The following PCNX1 variants were observed in gnomAD, a reference collection of about 807,000 sequenced individuals.
The protein encoded by PCNX1 is pecanex-like protein 1.
In PCNX1, 78 loss-of-function variants were observed where a neutral mutation model predicts 242.2. The observed-to-expected ratio is 0.32, with a 90% CI of 0.27 to 0.39. The LOEUF (loss-of-function observed/expected upper bound fraction) is 0.39. PCNX1 is among the 10% of genes least tolerant of loss of function. The pLI, the probability that PCNX1 is intolerant of heterozygous loss-of-function variation, is 1.00. For synonymous variants in PCNX1, 1,024 were observed against 1,032.9 expected (o/e 0.99, Z 0.17); for missense variants, 2,581 against 2,856.5 (o/e 0.90, Z 2.20).
chr14:71,109,160 A>G lies in PCNX1; in HGVS notation c.6744+114A>G, dbSNP rs569677077. On this transcript the variant is annotated intron_variant, in intron 34 of 35. Coordinates refer to ENST00000304743, the MANE Select transcript of PCNX1 (RefSeq NM_014982.3). ...CACACCTTATCTTAGTCTCAGGACT[A>G]GAATATTTTTGAATGTTGGGGAAAA... is the stretch of plus-strand genomic sequence containing the variant. The G allele has an allele frequency of 3.5e-5, 35 of 1,001,574 alleles. No homozygotes were observed. The South Asian group carries it at 5.4e-4, about 15-fold the overall frequency. The allele number at this position is 1,001,574 out of a possible 1,614,324, so 62.0% of individuals were successfully genotyped here.
chr14:71,109,131 A>G (rs2062700868), intron 34 of PCNX1, 85 bp downstream of exon 34: 1 of 1,095,276 alleles, frequency 9.1e-7, no homozygotes. Flanking sequence ...GACTGTTGTG[A>G]ATACACACCT....
intron 22 of PCNX1, among the ~76,000 whole-genome samples, chr14:71,048,495 C>A (rs187464501): frequency 3.3e-5 from 5 of 152,270 alleles, no homozygotes; most frequent in Non-Finnish European, 5.9e-5. Flanking sequence ...GATGGTAAAA[C>A]CTTGGTCCTC....
At chr14:71,064,954 T>G (rs577334321) in intron 26 of PCNX1, among the ~76,000 whole-genome samples, 1 of 152,320 alleles carries the variant, frequency 6.6e-6, no homozygotes, top group South Asian at 2.1e-4. Context: ...AACTCATCCT[T>G]TTTTATGGAT....
intron 19 of PCNX1, among the ~76,000 whole-genome samples, chr14:71,037,547 CAT>C (rs1331275420): frequency 6.6e-6 from 1 of 150,740 alleles, no homozygotes; most frequent in African/African-American, 2.4e-5. Flanking sequence ...TTGAGATAAT[CAT>C]GTGGTTTTTG....
chr14:71,108,980 A>G lies in PCNX1; in HGVS notation c.6678A>G (p.Pro2226=). The G allele has an allele frequency of 1.2e-6, 2 of 1,614,238 alleles. No individual in the cohort carries two copies. Among genetic ancestry groups the G allele is most frequent in the South Asian group, 1.1e-5 (1 of 91,090 alleles). ...GGQSSATDAQ[P]GNTLSPANNS... Reference sequence around the variant, plus strand: ...AGAGCAGTGCCACTGATGCACAGCCAGGCAACACCTTAAGTCCTGCCAACA... The same window carrying G: ...AGAGCAGTGCCACTGATGCACAGCCGGGCAACACCTTAAGTCCTGCCAACA... The change falls in exon 34 of 36, where the codon CCA becomes CCG. Residue 2226 remains proline (P), a synonymous_variant. Coordinates refer to ENST00000304743, the MANE Select transcript of PCNX1 (RefSeq NM_014982.3).
chr14:71,065,567 G>T (rs1158739844), intron 26 of PCNX1, among the ~76,000 whole-genome samples: 1 of 152,092 alleles, frequency 6.6e-6, no homozygotes, highest in Non-Finnish European at 1.5e-5. Flanking sequence ...CATTCTGTAG[G>T]TTGCCTGCTC....
At chr14:71,076,107 G>A in intron 27 of PCNX1, 82 bp from the exon 28 acceptor site, 1 of 826,604 alleles carries the variant, frequency 1.2e-6, no homozygotes, top group Non-Finnish European at 2.0e-6. Flanking sequence ...TAAATAATTG[G>A]AATTTATTTC....
chr14:70,917,102 A>T (rs2056180757), intron 1 of PCNX1, among the ~76,000 whole-genome samples: 1 of 152,204 alleles, frequency 6.6e-6, no homozygotes, highest in Non-Finnish European at 1.5e-5. Context: ...TCACATCTTC[A>T]GGCTCTACTT....
At chr14:70,929,287 A>G (rs1232865826) in intron 1 of PCNX1, among the ~76,000 whole-genome samples, 1 of 151,444 alleles carries the variant, frequency 6.6e-6, no homozygotes, top group Non-Finnish European at 1.5e-5. Flanking sequence ...GAAGCATTCT[A>G]TCTCTAGTCT....
intron 8 of PCNX1, among the ~76,000 whole-genome samples, chr14:70,998,194 C>T (rs748982157): frequency 6.6e-6 from 1 of 151,808 alleles, no homozygotes; most frequent in African/African-American, 2.4e-5. Flanking sequence ...ACTGTGTTTT[C>T]TACATCTTTA....
intron 1 of PCNX1, among the ~76,000 whole-genome samples, chr14:70,936,748 A>G (rs1438157291): frequency 1.3e-5 from 2 of 152,188 alleles, no homozygotes; most frequent in Admixed American, 6.5e-5. Context: ...AGTCCCACCA[A>G]CAGTGTAAAA....
chr14:70,945,283 C>G (rs1310136559), intron 1 of PCNX1, among the ~76,000 whole-genome samples: 1 of 152,190 alleles, frequency 6.6e-6, no homozygotes, highest in Non-Finnish European at 1.5e-5. Context: ...CAATATCATA[C>G]AGGTACTCAA....
chr14:70,948,718 AGT>A (rs200334882), intron 2 of PCNX1, among the ~76,000 whole-genome samples: 1,604 of 146,728 alleles, frequency 0.011, 13 homozygotes, highest in Non-Finnish European at 0.017. Flanking sequence ...CATACACATA[AGT>A]GTATATACAT....
At chr14:70,990,244 A>G (rs2059123279) in intron 7 of PCNX1, among the ~76,000 whole-genome samples, 1 of 152,036 alleles carries the variant, frequency 6.6e-6, no homozygotes, top group Non-Finnish European at 1.5e-5. Context: ...TGCTCAATTA[A>G]AACTCTTTTA....
intron 18 of PCNX1, among the ~76,000 whole-genome samples, chr14:71,035,735 C>A (rs946009527): frequency 6.6e-6 from 1 of 151,622 alleles, no homozygotes; most frequent in Non-Finnish European, 1.5e-5. Context: ...TGGTGAAACC[C>A]TGTCTCTACT....
chr14:71,045,371 A>G (rs2060830463), intron 20 of PCNX1, 88 bp downstream of exon 20: 3 of 894,746 alleles, frequency 3.4e-6, no homozygotes, highest in South Asian at 3.4e-5. Flanking sequence ...AGTGAATATC[A>G]TAACAGAACA....
chr14:71,057,495 A>G lies in PCNX1; in HGVS notation c.4637-14A>G. The stretch of plus-strand genomic sequence containing the variant: ...AAGGTTAAATTTAACTTTTTTTAAA[A>G]TCTCTTTTTATAGGATCAGATGACA... On this transcript the variant is annotated splice_polypyrimidine_tract_variant and intron_variant, in intron 25 of 35. Transcript: ENST00000304743. 6.4e-7 allele frequency: 1 copy of G among 1,571,850 alleles called. No individual in the cohort carries two copies. Among genetic ancestry groups the G allele is most frequent in the Non-Finnish European group, 8.7e-7 (1 of 1,148,330 alleles).
intron 1 of PCNX1, among the ~76,000 whole-genome samples, chr14:70,926,376 A>G (rs1272721667): frequency 6.6e-6 from 1 of 152,190 alleles, no homozygotes; most frequent in Non-Finnish European, 1.5e-5. Context: ...ACAGAGATGC[A>G]GCATTTACAG....
chr14:71,047,019 G>A lies in PCNX1; in HGVS notation c.4074G>A (p.Glu1358=). The change falls in exon 21 of 36, where the codon GAG becomes GAA. Residue 1358 remains glutamate (E), a synonymous_variant. Transcript: ENST00000304743. ...TTCATGTGTGGCTTCTTTTTGTGGAGAAGAATATAATCTATCCATTGATTG... is the reference window on the plus strand; with the variant it reads ...TTCATGTGTGGCTTCTTTTTGTGGAAAAGAATATAATCTATCCATTGATTG... The part of the protein sequence containing the change: ...EKLHVWLLFV[E]KNIIYPLIVL... The A allele has an allele frequency of 1.2e-6, 2 of 1,610,668 alleles. No homozygotes were observed. The highest frequency in any genetic ancestry group is 1.7e-6 in the Non-Finnish European group (2 of 1,177,714).
Sources: gnomAD v4.1 joint callset for allele counts (sites outside exome capture counted in the v4.1 genomes callset) on GRCh38, gnomAD v4.1.1 for gene constraint, MANE v1.5 for transcripts, NCBI Gene and HGNC (gene_info 2026-07-23, HGNC 2026-07-21) for gene names.